Variants in AP2B1 observed in about 807,000 individuals in gnomAD.
AP2B1 encodes adaptor related protein complex 2 subunit beta 1.
In AP2B1, 23 loss-of-function variants were observed where a neutral mutation model predicts 102.0. That is an observed-to-expected ratio of 0.23 (90% CI 0.16 to 0.32). The LOEUF (loss-of-function observed/expected upper bound fraction) is 0.32, where lower values mean the gene tolerates loss of function less well. AP2B1 is among the 10% of genes least tolerant of loss of function. The probability of loss-of-function intolerance (pLI) is 1.00; values close to 1 mark genes in which losing one functional copy is unlikely to be tolerated. For missense variants in AP2B1, 541 were observed against 1,157.4 expected, an observed-to-expected ratio of 0.47 and a Z score of 7.73; for synonymous variants, 381 against 421.2, an observed-to-expected ratio of 0.90 and a Z score of 1.17.
chr17:35,697,733 C>T (rs982267809), intron 18 of AP2B1, among the ~76,000 whole-genome samples: 1 of 152,136 alleles, frequency 6.6e-6, no homozygotes. Context: ...GAGGCTGAGG[C>T]GGCAGATCAC....
chr17:35,718,897 G>C (rs2085269555), intron 21 of AP2B1, among the ~76,000 whole-genome samples: 1 of 151,932 alleles, frequency 6.6e-6, no homozygotes, highest in African/African-American at 2.4e-5. Context: ...GGCTAAGAAT[G>C]ATTAGTGACT....
intron 18 of AP2B1, among the ~76,000 whole-genome samples, chr17:35,704,315 C>T (rs2076297640): frequency 6.6e-6 from 1 of 152,126 alleles, no homozygotes; most frequent in Admixed American, 6.5e-5. Context: ...CAAAAGAACC[C>T]ATACATCATC....
chr17:35,664,317 G>C (rs944304389), intron 14 of AP2B1, among the ~76,000 whole-genome samples: 1 of 152,016 alleles, frequency 6.6e-6, no homozygotes, highest in Admixed American at 6.6e-5. Flanking sequence ...ACAGTGGTGT[G>C]ATCATAGCTC....
chr17:35,723,209 T>TA (rs2085454612), intron 21 of AP2B1, among the ~76,000 whole-genome samples: 1 of 152,218 alleles, frequency 6.6e-6, no homozygotes, highest in African/African-American at 2.4e-5. Context: ...GGGACTGAGA[T>TA]ATAGCCATCC....
intron 18 of AP2B1, among the ~76,000 whole-genome samples, chr17:35,700,562 T>G (rs965933004): frequency 3.9e-5 from 6 of 152,204 alleles, no homozygotes; most frequent in African/African-American, 1.4e-4. Flanking sequence ...TGGCAGTGCC[T>G]CCTTTGGTTA....
In AP2B1 at chr17:35,624,420, A is replaced by G; in HGVS notation, c.549A>G (p.Ala183=). ...NPMVVANAVA[A]LSEISESHPN... is the part of the protein sequence containing the mutation. ...AGGTGGTGGCTAATGCCGTAGCGGC[A>G]TTATCTGAAATCAGTGAGTCTCACC... The change falls in exon 6 of 22, where the codon GCA becomes GCG. Residue 183 remains alanine, a synonymous_variant. Coordinates refer to ENST00000610402, the MANE Select transcript of AP2B1 (RefSeq NM_001030006.2). 1.2e-6 allele frequency: 2 copies of G among 1,614,162 alleles called. No homozygotes were observed. Among genetic ancestry groups the G allele is most frequent in the Non-Finnish European group, 1.7e-6 (2 of 1,180,006 alleles).
chr17:35,713,495 C>T (rs1033506130), intron 20 of AP2B1, among the ~76,000 whole-genome samples: 2 of 152,150 alleles, frequency 1.3e-5, no homozygotes, highest in Non-Finnish European at 2.9e-5. Context: ...TTAACATGAA[C>T]GTTTTTGGCT....
chr17:35,604,928 GT>G (rs974112662), intron 3 of AP2B1, among the ~76,000 whole-genome samples: 1 of 151,810 alleles, frequency 6.6e-6, no homozygotes, highest in Non-Finnish European at 1.5e-5. Flanking sequence ...TTTTTTTCTT[GT>G]TTTTTTTGGA....
chr17:35,616,839 C>T (rs1390214415), intron 5 of AP2B1, among the ~76,000 whole-genome samples: 1 of 152,196 alleles, frequency 6.6e-6, no homozygotes, highest in East Asian at 1.9e-4. Flanking sequence ...GGTTGAAACT[C>T]AGGCTCTAGA....
intron 12 of AP2B1, among the ~76,000 whole-genome samples, chr17:35,648,743 AGTGTGTGTGTGT>A (rs10668040): frequency 1.5e-4 from 23 of 148,696 alleles, no homozygotes; most frequent in African/African-American, 3.5e-4. Flanking sequence ...ATATGAAATA[AGTGTGTGTGTGT>A]GTGTGTGTGT....
intron 5 of AP2B1, chr17:35,621,191 A>G: frequency 3.2e-6 from 1 of 314,490 alleles, no homozygotes; most frequent in Non-Finnish European, 4.6e-6. Flanking sequence ...AAGAAACAGT[A>G]TAAACATTGA....
At position 35,633,628 on chromosome 17, in the gene AP2B1, C is replaced by G. The variant is rs543602475; in HGVS notation, c.1156-2713C>G. On this transcript the variant is annotated intron_variant, in intron 9 of 21. Transcript: ENST00000610402. ...TTTCCGTTTTATCTTCTCCCTCTTC[C>G]TCTTCCTTCGGGTGGGTGGGATGCG... Among the ~76,000 whole-genome samples, 3 of 152,264 alleles carry G rather than the reference C, an allele frequency of 2.0e-5. No homozygotes were observed. The South Asian group carries it at 6.2e-4, about 32-fold the overall frequency.
intron 18 of AP2B1, among the ~76,000 whole-genome samples, chr17:35,683,500 C>A (rs961453718): frequency 6.6e-6 from 1 of 152,004 alleles, no homozygotes. Flanking sequence ...ATTTAAATGC[C>A]CCATTAGCAC....
chr17:35,616,770 A>AG (rs1160964499), intron 5 of AP2B1, among the ~76,000 whole-genome samples: 1 of 152,140 alleles, frequency 6.6e-6, no homozygotes, highest in Non-Finnish European at 1.5e-5. Context: ...TAGCTCGAAA[A>AG]CAGAAAAGTG....
chr17:35,698,462 A>G (rs1244459829), intron 18 of AP2B1, among the ~76,000 whole-genome samples: 1 of 152,132 alleles, frequency 6.6e-6, no homozygotes, highest in Admixed American at 6.6e-5. Flanking sequence ...GGTGTGCACC[A>G]CCATGCCTGG....
intron 3 of AP2B1, among the ~76,000 whole-genome samples, chr17:35,601,374 G>C (rs754833380): frequency 6.6e-6 from 1 of 152,100 alleles, no homozygotes; most frequent in African/African-American, 2.4e-5. Context: ...CCATCACTCA[G>C]GCTGGAGTGC....
At chr17:35,653,772 G>T (rs918617359) in intron 13 of AP2B1, among the ~76,000 whole-genome samples, 1 of 152,032 alleles carries the variant, frequency 6.6e-6, no homozygotes, top group Non-Finnish European at 1.5e-5. Context: ...CACTGCGCCC[G>T]GCTGGAATAT....
chr17:35,602,272 G>A (rs225288), intron 3 of AP2B1, among the ~76,000 whole-genome samples: 132,535 of 152,278 alleles, frequency 0.87, 58,082 homozygotes, highest in African/African-American at 0.97. Context: ...ATTAGGCACT[G>A]AAGTGTATAT....
At chr17:35,594,324 A>G (rs2073191748) in intron 2 of AP2B1, among the ~76,000 whole-genome samples, 1 of 152,226 alleles carries the variant, frequency 6.6e-6, no homozygotes, top group African/African-American at 2.4e-5. Context: ...GCTGTTTGAG[A>G]TGATCCATTG....
Sources: gnomAD v4.1 joint callset for allele counts (sites outside exome capture counted in the v4.1 genomes callset) on GRCh38, gnomAD v4.1.1 for gene constraint, MANE v1.5 for transcripts, NCBI Gene and HGNC (gene_info 2026-07-23, HGNC 2026-07-21) for gene names.